Variants in RPH3AL observed in about 807,000 individuals in gnomAD.
RPH3AL encodes the protein rab effector Noc2.
In RPH3AL, 38 loss-of-function variants were observed where a neutral mutation model predicts 43.1. The observed-to-expected ratio is 0.88, with a 90% CI of 0.68 to 1.15. The LOEUF is 1.15. Ranked by LOEUF, RPH3AL falls within the 50% of genes most tolerant of loss-of-function variation. The pLI, the probability that RPH3AL is intolerant of heterozygous loss-of-function variation, is 0.00. For missense variants in RPH3AL, 462 were observed against 423.2 expected, an observed-to-expected ratio of 1.09 and a Z score of -0.81; for synonymous variants, 189 against 176.3, an observed-to-expected ratio of 1.07 and a Z score of -0.57.
chr17:301,797 C>CCCGAG (rs1398249335), intron 5 of RPH3AL, among the ~76,000 whole-genome samples: 1 of 152,158 alleles, frequency 6.6e-6, no homozygotes, highest in East Asian at 1.9e-4. Context: ...AAAGTTCTGA[C>CCCGAG]CCGAGCCGTA....
At position 300,744 on chromosome 17, in the gene RPH3AL, GGC is replaced by G. The variant is rs1291152487; in HGVS notation, c.351+18674_351+18675del. On this transcript the variant is annotated intron_variant, in intron 5 of 9. Coordinates refer to ENST00000331302, the MANE Select transcript of RPH3AL (RefSeq NM_006987.4). Reference sequence around the variant, plus strand: ...TCTCTCACCCACTCTAGCAGGGGCTGGCCCATAGGCCTGCAGAATCTCTCACC... The same window carrying G: ...TCTCTCACCCACTCTAGCAGGGGCTGCCATAGGCCTGCAGAATCTCTCACC... Among the ~76,000 whole-genome samples, 73 of 141,432 alleles carry G rather than the reference GGC, an allele frequency of 5.2e-4. 4 individuals are homozygous for G. The highest frequency in any genetic ancestry group is 1.8e-3 in the African/African-American group (64 of 35,712). The allele number at this position is 141,432 out of a possible 152,430, so 92.8% of individuals were successfully genotyped here.
chr17:275,956 G>A (rs983107124), intron 6 of RPH3AL, among the ~76,000 whole-genome samples: 23 of 152,358 alleles, frequency 1.5e-4, no homozygotes, highest in Admixed American at 1.5e-3. Flanking sequence ...AGCGGGAATG[G>A]AATGGAAAGT....
At chr17:301,590 A>G (rs1309978384) in intron 5 of RPH3AL, among the ~76,000 whole-genome samples, 2 of 151,958 alleles carry the variant, frequency 1.3e-5, no homozygotes, top group Admixed American at 6.6e-5. Context: ...CAGGGGCACA[A>G]CCAGGCCCAC....
chr17:284,947 GAT>G (rs2042870219), intron 5 of RPH3AL, among the ~76,000 whole-genome samples: 2 of 152,256 alleles, frequency 1.3e-5, no homozygotes, highest in South Asian at 4.1e-4. Flanking sequence ...CTCCTCCTCT[GAT>G]AAGGACGCCA....
At chr17:257,407 T>C (rs375694537) in intron 6 of RPH3AL, among the ~76,000 whole-genome samples, 1 of 11,698 alleles carries the variant, frequency 8.5e-5, no homozygotes, top group Admixed American at 1.1e-3. Flanking sequence ...ACGGCGTCTG[T>C]CCTTTTCCAT....
At chr17:291,626 C>G (rs1360670235) in intron 5 of RPH3AL, among the ~76,000 whole-genome samples, 1 of 152,162 alleles carries the variant, frequency 6.6e-6, no homozygotes, top group East Asian at 1.9e-4. Flanking sequence ...TGTTTCATGC[C>G]ACACAATGTG....
At chr17:326,183 C>T (rs1276038000) in intron 3 of RPH3AL, among the ~76,000 whole-genome samples, 7 of 152,222 alleles carry the variant, frequency 4.6e-5, no homozygotes, top group African/African-American at 7.2e-5. Context: ...CTGCGGGGGC[C>T]GCATGAAGGA....
intron 6 of RPH3AL, among the ~76,000 whole-genome samples, chr17:268,908 T>TCA (rs1475470859): frequency 6.6e-6 from 1 of 152,106 alleles, no homozygotes; most frequent in Non-Finnish European, 1.5e-5. Context: ...AGACGGAGTC[T>TCA]CGCTCCGTCA....
chr17:214,167 C>T lies in RPH3AL; in HGVS notation c.877-244G>A, dbSNP rs562091861. On this transcript the variant is annotated intron_variant, in intron 9 of 9. Coordinates refer to ENST00000331302, the MANE Select transcript of RPH3AL (RefSeq NM_006987.4). Reference sequence around the variant, plus strand: ...CTCCTAACCCAGGTGATCAACATGGCGACCTCAGGATGCCGGAAGGAGCAA... The same window carrying T: ...CTCCTAACCCAGGTGATCAACATGGTGACCTCAGGATGCCGGAAGGAGCAA... 1.5e-3 allele frequency among the ~76,000 whole-genome samples: 225 copies of T among 152,342 alleles called. 2 individuals are homozygous for T. The highest frequency in any genetic ancestry group is 4.0e-3 in the Admixed American group (61 of 15,308).
chr17:226,285 C>T (rs542534059), intron 7 of RPH3AL, among the ~76,000 whole-genome samples: 17 of 152,150 alleles, frequency 1.1e-4, no homozygotes, highest in East Asian at 3.9e-4. Flanking sequence ...ACACAGCAGG[C>T]GCCAGGAAGC....
chr17:316,478 C>T (rs2044198816), intron 5 of RPH3AL, among the ~76,000 whole-genome samples: 1 of 143,308 alleles, frequency 7.0e-6, no homozygotes, highest in African/African-American at 2.7e-5. Context: ...AGTCTCTGTG[C>T]CCCACCTCCA....
At chr17:321,565 C>G in intron 3 of RPH3AL, 150 bp from the exon 4 acceptor site, 2 of 695,836 alleles carry the variant, frequency 2.9e-6, no homozygotes, top group Non-Finnish European at 4.1e-6. Flanking sequence ...CAGAGATGGC[C>G]CAGGTGGCAA....
intron 7 of RPH3AL, among the ~76,000 whole-genome samples, chr17:238,262 A>G (rs1377881490): frequency 6.6e-6 from 1 of 151,832 alleles, no homozygotes; most frequent in Admixed American, 6.6e-5. Context: ...GAGAGAGAGA[A>G]AGAGAAAAAG....
rs112335078 is a variant in RPH3AL, at chr17:291,017, G to A, written c.352-9163C>T. Among the ~76,000 whole-genome samples the A allele has an allele frequency of 5.2e-3, 794 of 152,266 alleles. 8 individuals carry two copies. The highest frequency in any genetic ancestry group is 8.5e-3 in the Non-Finnish European group (581 of 68,008). On this transcript the variant is annotated intron_variant, in intron 5 of 9. Coordinates refer to ENST00000331302, the MANE Select transcript of RPH3AL (RefSeq NM_006987.4). The stretch of plus-strand genomic sequence containing the variant: ...GGCTGTTCATGAGCCTCACTCGACC[G>A]AAACGGGTGAAACTGCCCTCAAACG...
At chr17:229,503 G>C (rs959246407) in intron 7 of RPH3AL, among the ~76,000 whole-genome samples, 4 of 152,212 alleles carry the variant, frequency 2.6e-5, no homozygotes, top group African/African-American at 9.6e-5. Flanking sequence ...GTCCCCCAAA[G>C]AGCTGGGGTT....
At chr17:272,497 T>A (rs2042490711) in intron 6 of RPH3AL, among the ~76,000 whole-genome samples, 1 of 149,296 alleles carries the variant, frequency 6.7e-6, no homozygotes. Flanking sequence ...CAGCAAACTA[T>A]CGCAAGGACA....
intron 5 of RPH3AL, among the ~76,000 whole-genome samples, chr17:316,146 C>A (rs1439454668): frequency 7.3e-6 from 1 of 137,608 alleles, no homozygotes; most frequent in African/African-American, 2.6e-5. Flanking sequence ...TCCCTGTGCT[C>A]CACCTCCATT....
intron 6 of RPH3AL, among the ~76,000 whole-genome samples, chr17:273,012 C>CTTCAGGGAGAGACCCCAGCGAGGGT (rs1567604581): frequency 1.6e-5 from 1 of 62,892 alleles, no homozygotes; most frequent in African/African-American, 6.3e-5. Context: ...CCAGCGAGGG[C>CTTCAGGGAGAGACCCCAGCGAGGGT]GACATCAGGA....
At chr17:319,656 A>ATAT (rs2151697189) in intron 4 of RPH3AL, 107 bp from the exon 5 acceptor site, 1 of 1,377,728 alleles carries the variant, frequency 7.3e-7, no homozygotes, top group Admixed American at 2.1e-5. Context: ...CTCACCTGGG[A>ATAT]TATTGTTCCT....
Sources: gnomAD v4.1 joint callset for allele counts (sites outside exome capture counted in the v4.1 genomes callset) on GRCh38, gnomAD v4.1.1 for gene constraint, MANE v1.5 for transcripts, NCBI Gene and HGNC (gene_info 2026-07-23, HGNC 2026-07-21) for gene names.